The following ADCY5 variants were observed in gnomAD, a reference collection of about 807,000 sequenced individuals.
The protein encoded by ADCY5 is adenylate cyclase 5.
Under a neutral mutation model 119.7 loss-of-function variants are expected in ADCY5, and 30 were observed. The ratio of observed to expected loss-of-function variants is 0.25; its 90% CI spans 0.19 to 0.34. ADCY5 has a LOEUF of 0.34. Ranked by LOEUF, ADCY5 falls within the 10% of genes least tolerant of loss-of-function variation. ADCY5 has a pLI of 1.00. For synonymous variants in ADCY5, 753 were observed against 762.2 expected (o/e 0.99, Z 0.20); for missense variants, 1,324 against 1,775.2 (o/e 0.75, Z 4.57).
At chr3:123,397,368 G>A (rs1944630885) in intron 1 of ADCY5, among the ~76,000 whole-genome samples, 2 of 152,260 alleles carry the variant, frequency 1.3e-5, no homozygotes. Context: ...AGGCGCAGTG[G>A]CTCACGCCTG....
intron 11 of ADCY5, among the ~76,000 whole-genome samples, chr3:123,315,186 G>T (rs1004244646): frequency 1.3e-5 from 2 of 152,248 alleles, no homozygotes; most frequent in Non-Finnish European, 2.9e-5. Context: ...TGTTGTTATG[G>T]GGTTAAAAGC....
At chr3:123,290,202 C>A (rs1460099236) in intron 18 of ADCY5, among the ~76,000 whole-genome samples, 1 of 152,178 alleles carries the variant, frequency 6.6e-6, no homozygotes, top group Non-Finnish European at 1.5e-5. Flanking sequence ...ACGCCAGGAG[C>A]CCTGAAGACA....
chr3:123,287,639 C>T (rs1402749000), intron 19 of ADCY5, among the ~76,000 whole-genome samples: 1 of 152,202 alleles, frequency 6.6e-6, no homozygotes, highest in Non-Finnish European at 1.5e-5. Context: ...GTCAGCAATG[C>T]CATCAGTCCT....
chr3:123,421,682 C>T (rs764920033), intron 1 of ADCY5, among the ~76,000 whole-genome samples: 3 of 152,170 alleles, frequency 2.0e-5, no homozygotes, highest in Non-Finnish European at 4.4e-5. Flanking sequence ...GGGCACAGGA[C>T]AGATGGAGCC....
chr3:123,335,274 C>G (rs1941965642), intron 3 of ADCY5, among the ~76,000 whole-genome samples: 1 of 152,192 alleles, frequency 6.6e-6, no homozygotes, highest in African/African-American at 2.4e-5. Flanking sequence ...GCCCTGGTGC[C>G]TCCCCCTTGG....
chr3:123,291,860 A>G (rs543810143), intron 17 of ADCY5, among the ~76,000 whole-genome samples: 109 of 152,310 alleles, frequency 7.2e-4, no homozygotes, highest in Non-Finnish European at 2.9e-4. Context: ...CCTGTGGGGG[A>G]AAACAGCCCA....
intron 1 of ADCY5, among the ~76,000 whole-genome samples, chr3:123,444,700 G>T (rs1945783441): frequency 6.6e-6 from 1 of 152,210 alleles, no homozygotes; most frequent in African/African-American, 2.4e-5. Flanking sequence ...TAATGATGTT[G>T]AGGACCTGAG....
Position 123,331,027 on chromosome 3 carries a change from A to G in ADCY5, c.1519-11T>C. 1 of 1,601,356 alleles carries G rather than the reference A, an allele frequency of 6.2e-7. No homozygotes were observed. Among genetic ancestry groups the G allele is most frequent in the Non-Finnish European group, 8.5e-7 (1 of 1,174,298 alleles). ...TAAACAGTGATTCTCCTGGAAAGCA[A>G]ATTAATTTTACAAATTAAAAATAGT... On this transcript the variant is annotated splice_polypyrimidine_tract_variant and intron_variant, in intron 4 of 20. Coordinates refer to ENST00000462833, the MANE Select transcript of ADCY5 (RefSeq NM_183357.3).
At chr3:123,298,034 C>T (rs1158539136) in intron 15 of ADCY5, among the ~76,000 whole-genome samples, 1 of 152,068 alleles carries the variant, frequency 6.6e-6, no homozygotes, top group African/African-American at 2.4e-5. Context: ...AAGTCTTGCT[C>T]TATCTTCCAG....
chr3:123,328,888 G>A, intron 5 of ADCY5, 86 bp from the exon 6 acceptor site: 1 of 1,378,292 alleles, frequency 7.3e-7, no homozygotes, highest in African/African-American at 1.4e-5. Flanking sequence ...CAGGGAAGGT[G>A]AAGGTGCGGG....
intron 1 of ADCY5, among the ~76,000 whole-genome samples, chr3:123,443,326 C>CG (rs1945754933): frequency 6.6e-6 from 1 of 152,094 alleles, no homozygotes; most frequent in Non-Finnish European, 1.5e-5. Context: ...ACCAGAAAAG[C>CG]AAACGGCCAG....
intron 6 of ADCY5, 42 bp from the exon 7 acceptor site, chr3:123,327,801 CAA>C: frequency 1.9e-6 from 3 of 1,608,030 alleles, no homozygotes; most frequent in Non-Finnish European, 2.6e-6. Context: ...GCAGAAAACT[CAA>C]AGTCATAATG....
chr3:123,385,311 G>A (rs62262387), intron 1 of ADCY5, among the ~76,000 whole-genome samples: 45 of 99,954 alleles, frequency 4.5e-4, no homozygotes, highest in Admixed American at 8.5e-4. Context: ...ACACACACAC[G>A]CACGCACGAC....
intron 1 of ADCY5, among the ~76,000 whole-genome samples, chr3:123,419,927 AC>A (rs1330369857): frequency 7.3e-5 from 11 of 150,040 alleles, no homozygotes; most frequent in East Asian, 2.0e-4. Context: ...TGTTGTAGAC[AC>A]CCCCCCACCC....
At chr3:123,342,421 C>T (rs1389829154) in intron 3 of ADCY5, among the ~76,000 whole-genome samples, 12 of 152,146 alleles carry the variant, frequency 7.9e-5, no homozygotes, top group Admixed American at 7.8e-4. Context: ...GATCTCTCCC[C>T]AAGACCCTGC....
intron 1 of ADCY5, among the ~76,000 whole-genome samples, chr3:123,405,315 C>G (rs545448499): frequency 6.6e-6 from 1 of 152,364 alleles, no homozygotes; most frequent in South Asian, 2.1e-4. Flanking sequence ...GCTCTGAGCA[C>G]CAGTCTAGAG....
intron 1 of ADCY5, among the ~76,000 whole-genome samples, chr3:123,373,759 C>A (rs1317696526): frequency 1.8e-4 from 2 of 10,856 alleles, no homozygotes; most frequent in African/African-American, 4.9e-4. Flanking sequence ...AAGCATCACG[C>A]CCCCCCCCCC....
chr3:123,288,295 GAACTGA>G (rs1443951074), intron 19 of ADCY5, among the ~76,000 whole-genome samples: 2 of 152,232 alleles, frequency 1.3e-5, no homozygotes, highest in East Asian at 3.8e-4. Flanking sequence ...TTAATTTTGA[GAACTGA>G]AATGCCGGTA....
At chr3:123,395,566 C>G (rs963107974) in intron 1 of ADCY5, among the ~76,000 whole-genome samples, 3 of 152,114 alleles carry the variant, frequency 2.0e-5, no homozygotes, top group African/African-American at 7.2e-5. Flanking sequence ...CTTCAATAAA[C>G]TTTTGCTGGA....
Sources: allele counts gnomAD v4.1 joint callset (sites outside exome capture counted in the v4.1 genomes callset), GRCh38; gene constraint gnomAD v4.1.1; transcripts MANE v1.5; gene names NCBI Gene and HGNC (gene_info 2026-07-23, HGNC 2026-07-21).